Variants in SLC4A2 observed in about 807,000 individuals in gnomAD.
The protein encoded by SLC4A2 is solute carrier family 4 member 2, also known as anion exchange protein 2.
Under a neutral mutation model 115.0 loss-of-function variants are expected in SLC4A2, and 36 were observed. That is an observed-to-expected ratio of 0.31 (90% CI 0.24 to 0.41). SLC4A2 has a LOEUF of 0.41. SLC4A2 is among the 10% of genes least tolerant of loss of function. The probability of loss-of-function intolerance (pLI) is 1.00; values close to 1 mark genes in which losing one functional copy is unlikely to be tolerated. For synonymous variants in SLC4A2, 708 were observed against 708.3 expected (o/e 1.00, Z 0.01); for missense variants, 1,252 against 1,705.6 (o/e 0.73, Z 4.68).
At chr7:151,064,794 A>C in intron 4 of SLC4A2, 27 bp downstream of exon 4, 2 of 1,607,952 alleles carry the variant, frequency 1.2e-6, no homozygotes, top group South Asian at 1.1e-5. Context: ...CTCCTAGGGC[A>C]TGTCGGCAGG....
chr7:151,062,875 T>A, intron 2 of SLC4A2: 1 of 1,389,804 alleles, frequency 7.2e-7, no homozygotes, highest in Non-Finnish European at 9.3e-7. Flanking sequence ...TCCCAGCTGC[T>A]CCAGTCCCCA....
rs543796017 is a variant in SLC4A2 at position 151,074,070 on chromosome 7, C to T, written c.2567C>T (p.Ser856Leu). ...CAGGAGCACCCCCTGCATGGCTGCT[C>T]AGCCTCCAACAGCTCAGAGGTGGAC... ...IFQEHPLHGC[S>L]ASNSSEVDGG... Residue 856 changes from serine to leucine, a missense_variant, in exon 17 of 23, where the codon TCA (serine) becomes TTA (leucine). Ser to Leu is a moderately radical substitution (Grantham distance 145, BLOSUM62 -2). Coordinates refer to ENST00000413384, the MANE Select transcript of SLC4A2 (RefSeq NM_003040.4). 21 of 1,595,942 alleles carry T rather than the reference C, an allele frequency of 1.3e-5. No individual in the cohort carries two copies. The East Asian group carries it at 4.3e-4, about 32-fold the overall frequency.
At chr7:151,062,699 G>T in intron 2 of SLC4A2, 1 of 1,479,760 alleles carries the variant, frequency 6.8e-7, no homozygotes. Context: ...CCCCATGGCG[G>T]CAAGCTCCCT....
chr7:151,062,398 G>A, intron 2 of SLC4A2: 2 of 706,482 alleles, frequency 2.8e-6, no homozygotes, highest in Non-Finnish European at 4.4e-6. Flanking sequence ...GTTCTGGGCG[G>A]AGCTCGCCTG....
In SLC4A2 at chr7:151,064,248, A is replaced by C. The variant is rs751300355; in HGVS notation, c.98A>C (p.Gln33Pro). 6.2e-7 allele frequency: 1 copy of C among 1,612,582 alleles called. No homozygotes were observed. The highest frequency in any genetic ancestry group is 8.5e-7 in the Non-Finnish European group (1 of 1,179,954). ...CCTGGGACGCCTGGGTTCCCCGAGC[A>C]GGAGGAAGACGAACTTCACCGCACC... ...LGPGTPGFPEQEEDELHRTLG... is the reference protein window; with the variant it reads ...LGPGTPGFPEPEEDELHRTLG... The change falls in exon 3 of 23, where the codon CAG becomes CCG. Residue 33 changes from glutamine to proline, a missense_variant. Physicochemically the swap from Gln to Pro is moderately conservative, Grantham distance 76. This residue lies in a region of SLC4A2 where 74 missense variants were observed against 85.3 expected (regional missense o/e 0.87). Coordinates refer to ENST00000413384, the MANE Select transcript of SLC4A2 (RefSeq NM_003040.4).
Position 151,071,238 on chromosome 7 carries a change from A to G in SLC4A2, c.1916A>G (p.Glu639Gly), listed in dbSNP as rs1168014295. ...CGCCAGATGCTCAAGAAGCGAGAGG[A>G]GCAGGGCCGGCTGCTACCTACAGGG... ...FQRQMLKKRE[E>G]QGRLLPTGAG... The change falls in exon 13 of 23, where the codon GAG becomes GGG. Residue 639 changes from glutamate to glycine, a missense_variant. This residue lies in a region of SLC4A2 where 122 missense variants were observed against 116.8 expected (regional missense o/e 1.04). Transcript: ENST00000413384. This position sits in a 1 kb window ranked among gnomAD's most constrained non-coding sequence, Gnocchi z 5.5. 1 of 1,579,800 alleles carries G rather than the reference A, an allele frequency of 6.3e-7. No homozygotes were observed. The highest frequency in any genetic ancestry group is 1.3e-5 in the African/African-American group (1 of 74,124).
In SLC4A2 at chr7:151,070,761, C is replaced by G; in HGVS notation, c.1599C>G (p.Ala533=). 6.2e-7 allele frequency: 1 copy of G among 1,613,936 alleles called. No homozygotes were observed. Among genetic ancestry groups the G allele is most frequent in the Non-Finnish European group, 8.5e-7 (1 of 1,180,008 alleles). ...AGTTCCTCTCCCGCCCCACCATGGC[C>G]TTTGTGCGGCTCCGGGAGGCTGTGG... The part of the protein sequence containing the change: ...CVEFLSRPTM[A]FVRLREAVEL... Residue 533 remains alanine, a synonymous_variant, in exon 12 of 23, where the codon GCC becomes GCG. Coordinates refer to ENST00000413384, the MANE Select transcript of SLC4A2 (RefSeq NM_003040.4).
Position 151,061,979 on chromosome 7 carries a change from G to C in SLC4A2, c.-9G>C, listed in dbSNP as rs1797063413. ...CCGCAGCGACAGCGAAAAGGGCTAAGATTCGGCCATGAGCAGCGCCCCTCG... is the reference window on the plus strand; with the variant it reads ...CCGCAGCGACAGCGAAAAGGGCTAACATTCGGCCATGAGCAGCGCCCCTCG... On this transcript the variant is annotated 5_prime_UTR_variant, in exon 2 of 23. Coordinates refer to ENST00000413384, the MANE Select transcript of SLC4A2 (RefSeq NM_003040.4). The C allele has an allele frequency of 1.2e-6, 2 of 1,610,032 alleles. No individual in the cohort carries two copies. The highest frequency in any genetic ancestry group is 4.5e-5 in the East Asian group (2 of 44,856).
chr7:151,062,636 G>T (rs1447268156), intron 2 of SLC4A2: 1 of 1,522,288 alleles, frequency 6.6e-7, no homozygotes, highest in Non-Finnish European at 8.8e-7. Flanking sequence ...CACCCCTGCC[G>T]GCCATGGACT....
At chr7:151,066,438 C>A in intron 5 of SLC4A2, 79 bp from the exon 6 acceptor site, 2 of 1,430,548 alleles carry the variant, frequency 1.4e-6, no homozygotes, top group South Asian at 1.5e-5. Flanking sequence ...GGTCCCCTCC[C>A]TGGCTACCGC....
chr7:151,070,136 C>G, intron 9 of SLC4A2, 45 bp from the exon 10 acceptor site: 1 of 1,614,064 alleles, frequency 6.2e-7, no homozygotes, highest in Non-Finnish European at 8.5e-7. Flanking sequence ...TGCCCTGGCC[C>G]TTGTCATTGA....
rs1012423604 is a variant in SLC4A2, at chr7:151,070,998, C to G, written c.1750-74C>G. The G allele has an allele frequency of 3.1e-6, 5 of 1,590,880 alleles. No individual in the cohort carries two copies. In the African/African-American group the frequency reaches 6.7e-5, roughly 21 times the overall value. On this transcript the variant is annotated intron_variant, in intron 12 of 22. Transcript: ENST00000413384. ...CCCATGACTGCCTCCCACCCACTGG[C>G]CTTGCCCACCCTCAGCTCCAGGCCC...
At chr7:151,073,987 G>A in intron 16 of SLC4A2, 52 bp from the exon 17 acceptor site, 1 of 1,514,332 alleles carries the variant, frequency 6.6e-7, no homozygotes, top group Non-Finnish European at 8.8e-7. Context: ...TGAGCCCCAG[G>A]AATCTTTTCT....
At chr7:151,075,937 G>A (rs962768341) in intron 21 of SLC4A2, 76 bp from the exon 22 acceptor site, 18 of 1,492,838 alleles carry the variant, frequency 1.2e-5, no homozygotes, top group Admixed American at 4.2e-5. Flanking sequence ...TTCCATCCCC[G>A]CCTCCGAAGA....
chr7:151,069,825 T>G (rs1205483745), intron 8 of SLC4A2, 122 bp from the exon 9 acceptor site: 12 of 1,145,988 alleles, frequency 1.0e-5, no homozygotes, highest in Non-Finnish European at 1.6e-5. Flanking sequence ...GTCCTTCATG[T>G]GTAGGCTGGT....
intron 2 of SLC4A2, chr7:151,063,162 G>T: frequency 6.7e-7 from 1 of 1,497,934 alleles, no homozygotes; most frequent in South Asian, 1.2e-5. Flanking sequence ...CCGGCCGGCC[G>T]CTGCTCCGCG....
chr7:151,076,119 T>G lies in SLC4A2; in HGVS notation c.3578T>G (p.Leu1193Arg). ...GCCTCCCTGGCCTTCCCCTTCATCC[T>G]CATCCTCACAGTGCCGCTCCGCATG... Reference protein sequence around the residue: ...TAASLAFPFILILTVPLRMVV... With the variant: ...TAASLAFPFIRILTVPLRMVV... The change falls in exon 22 of 23, where the codon CTC (leucine) becomes CGC (arginine). Residue 1193 changes from leucine (L) to arginine (R), a missense_variant. Transcript: ENST00000413384. 6.2e-7 allele frequency: 1 copy of G among 1,610,846 alleles called. No individual in the cohort carries two copies. The highest frequency in any genetic ancestry group is 8.5e-7 in the Non-Finnish European group (1 of 1,179,970).
intron 2 of SLC4A2, chr7:151,063,005 A>T: frequency 7.0e-7 from 1 of 1,435,408 alleles, no homozygotes; most frequent in Non-Finnish European, 9.1e-7. Flanking sequence ...GATGCCCTTC[A>T]GGTCCAGAAG....
Position 151,066,938 on chromosome 7 carries a change from G to A in SLC4A2, c.911G>A (p.Arg304Gln), listed in dbSNP as rs759110133. The A allele has an allele frequency of 1.5e-5, 24 of 1,613,278 alleles. No individual in the cohort carries two copies. The highest frequency in any genetic ancestry group is 1.3e-4 in the African/African-American group (10 of 74,936). Reference protein sequence around the residue: ...KGSTQSGREGREPGPTPRARP... With the variant: ...KGSTQSGREGQEPGPTPRARP... Reference sequence around the variant, plus strand: ...TCCACACAGAGTGGCCGAGAAGGGCGGGAGCCTGGCCCCACACCTCGGGCC... The same window carrying A: ...TCCACACAGAGTGGCCGAGAAGGGCAGGAGCCTGGCCCCACACCTCGGGCC... The change falls in exon 7 of 23, where the codon CGG becomes CAG. Residue 304 changes from arginine (R) to glutamine (Q), a missense_variant. Physicochemically the swap from Arg to Gln is conservative, Grantham distance 43. This residue lies in a region of SLC4A2 where 48 missense variants were observed against 44.4 expected (regional missense o/e 1.08). Coordinates refer to ENST00000413384, the MANE Select transcript of SLC4A2 (RefSeq NM_003040.4).
Sources: allele counts gnomAD v4.1 joint callset, GRCh38; gene constraint gnomAD v4.1.1; regional missense constraint gnomAD v4.1.1; non-coding constraint Gnocchi (gnomAD v3.1); transcripts MANE v1.5; gene names NCBI Gene and HGNC (gene_info 2026-07-23, HGNC 2026-07-21).